Variants in CRIM1 observed in about 807,000 individuals in gnomAD.
CRIM1 encodes cysteine-rich motor neuron 1 protein.
Under a neutral mutation model 116.4 loss-of-function variants are expected in CRIM1, and 32 were observed. The ratio of observed to expected loss-of-function variants is 0.27; its 90% CI spans 0.21 to 0.37. The LOEUF is 0.37. Ranked by LOEUF, CRIM1 falls within the 10% of genes least tolerant of loss-of-function variation. CRIM1 has a pLI of 1.00. For missense variants in CRIM1, 1,331 were observed against 1,354.8 expected, an observed-to-expected ratio of 0.98 and a Z score of 0.28; for synonymous variants, 590 against 509.2, an observed-to-expected ratio of 1.16 and a Z score of -2.13.
intron 2 of CRIM1, among the ~76,000 whole-genome samples, chr2:36,411,287 A>G (rs141680206): frequency 5.3e-5 from 8 of 152,288 alleles, no homozygotes; most frequent in South Asian, 2.1e-4. Context: ...AATGTTGTGT[A>G]TATATTCTTT....
At chr2:36,483,036 C>G (rs938736241) in intron 7 of CRIM1, among the ~76,000 whole-genome samples, 1 of 152,178 alleles carries the variant, frequency 6.6e-6, no homozygotes, top group Non-Finnish European at 1.5e-5. Flanking sequence ...TAAATTGGCA[C>G]TTAAGTACTC....
intron 5 of CRIM1, 108 bp from the exon 6 acceptor site, chr2:36,476,781 A>G: frequency 1.2e-6 from 1 of 829,698 alleles, no homozygotes; most frequent in Non-Finnish European, 1.9e-6. Context: ...AATTTCCATC[A>G]ACTTATAACC....
chr2:36,378,612 C>T (rs993474481), intron 1 of CRIM1: 47 of 286,552 alleles, frequency 1.6e-4, no homozygotes, highest in African/African-American at 8.9e-4. Context: ...AAAGGGTATA[C>T]GTCCTTGTGT....
At chr2:36,372,443 A>G (rs996732330) in intron 1 of CRIM1, among the ~76,000 whole-genome samples, 1 of 152,186 alleles carries the variant, frequency 6.6e-6, no homozygotes, top group African/African-American at 2.4e-5. Flanking sequence ...GAGGTTTACA[A>G]ATTAAGATGG....
intron 2 of CRIM1, among the ~76,000 whole-genome samples, chr2:36,439,756 A>G (rs749507326): frequency 5.3e-5 from 8 of 152,062 alleles, no homozygotes; most frequent in African/African-American, 1.9e-4. Context: ...AAGCATTCCA[A>G]TTCCCTCTTA....
At chr2:36,393,929 T>G (rs1671817617) in intron 1 of CRIM1, among the ~76,000 whole-genome samples, 1 of 152,214 alleles carries the variant, frequency 6.6e-6, no homozygotes, top group African/African-American at 2.4e-5. Flanking sequence ...GGACATTTTC[T>G]TATTGCCAAG....
intron 2 of CRIM1, 88 bp downstream of exon 2, chr2:36,396,875 A>G: frequency 8.7e-7 from 1 of 1,155,740 alleles, no homozygotes. Context: ...TTGAAAAGGC[A>G]AAGACAAGTT....
intron 7 of CRIM1, among the ~76,000 whole-genome samples, chr2:36,484,292 A>AT (rs899636946): frequency 7.3e-5 from 11 of 151,636 alleles, no homozygotes; most frequent in South Asian, 2.1e-4. Context: ...ACGGGCAAGG[A>AT]TTTTTTTTAC....
chr2:36,506,397 A>T (rs1402051468), intron 8 of CRIM1, among the ~76,000 whole-genome samples: 1 of 152,050 alleles, frequency 6.6e-6, no homozygotes, highest in African/African-American at 2.4e-5. Context: ...ATGTTGAACA[A>T]AACCATTGCT....
chr2:36,519,359 C>G (rs776080564), intron 12 of CRIM1, among the ~76,000 whole-genome samples: 5 of 152,190 alleles, frequency 3.3e-5, no homozygotes, highest in African/African-American at 4.8e-5. Flanking sequence ...AAAGAACAGG[C>G]AACCCCTCAT....
intron 8 of CRIM1, among the ~76,000 whole-genome samples, chr2:36,500,937 A>AG (rs1255805819): frequency 7.9e-5 from 12 of 152,220 alleles, no homozygotes; most frequent in African/African-American, 2.9e-4. Context: ...CTGAAGTTAT[A>AG]GGGGCCTGGC....
At chr2:36,546,180 A>G (rs1358172259) in intron 15 of CRIM1, among the ~76,000 whole-genome samples, 1 of 152,194 alleles carries the variant, frequency 6.6e-6, no homozygotes, top group East Asian at 1.9e-4. Flanking sequence ...TAATGCATTT[A>G]GAAAACCTGA....
intron 13 of CRIM1, among the ~76,000 whole-genome samples, chr2:36,524,624 T>C (rs971754702): frequency 1.3e-5 from 2 of 152,192 alleles, no homozygotes; most frequent in African/African-American, 4.8e-5. Context: ...TTGAAAATTC[T>C]CAGATTGTTT....
intron 8 of CRIM1, among the ~76,000 whole-genome samples, chr2:36,503,792 C>T (rs1681180105): frequency 6.6e-6 from 1 of 152,024 alleles, no homozygotes; most frequent in African/African-American, 2.4e-5. Flanking sequence ...TTCTGCATCC[C>T]ATCAAAACCT....
intron 3 of CRIM1, among the ~76,000 whole-genome samples, chr2:36,442,073 G>A (rs982450210): frequency 3.9e-5 from 6 of 152,092 alleles, no homozygotes; most frequent in African/African-American, 1.4e-4. Context: ...AACATTTGAT[G>A]TACTGTTGTA....
intron 4 of CRIM1, among the ~76,000 whole-genome samples, chr2:36,463,606 T>A (rs577204528): frequency 6.6e-6 from 1 of 152,334 alleles, no homozygotes; most frequent in East Asian, 1.9e-4. Flanking sequence ...TTCCTCATCT[T>A]ACATTCACAT....
At chr2:36,442,341 A>G (rs1161599686) in intron 3 of CRIM1, among the ~76,000 whole-genome samples, 1 of 152,028 alleles carries the variant, frequency 6.6e-6, no homozygotes, top group African/African-American at 2.4e-5. Context: ...GCCTCTGGCT[A>G]ACTGTCACTA....
chr2:36,372,737 G>A (rs1007164337), intron 1 of CRIM1, among the ~76,000 whole-genome samples: 2 of 152,142 alleles, frequency 1.3e-5, no homozygotes, highest in Non-Finnish European at 2.9e-5. Context: ...GGAAATTGTT[G>A]ATAATGTTAG....
chr2:36,458,960 C>T (rs1228016509), intron 4 of CRIM1, among the ~76,000 whole-genome samples: 4 of 152,168 alleles, frequency 2.6e-5, no homozygotes, highest in African/African-American at 4.8e-5. Context: ...TTTCTTCCCT[C>T]GTGGTATCTC....
Sources: allele counts gnomAD v4.1 joint callset (sites outside exome capture counted in the v4.1 genomes callset), GRCh38; gene constraint gnomAD v4.1.1; transcripts MANE v1.5; gene names NCBI Gene and HGNC (gene_info 2026-07-23, HGNC 2026-07-21).